RC3H1: variants seen among roughly 807,000 people sequenced by gnomAD.
The protein encoded by RC3H1 is ring finger and CCCH-type domains 1.
RC3H1 carries 50 observed loss-of-function variants against 138.2 expected under a neutral mutation model. The ratio of observed to expected loss-of-function variants is 0.36; its 90% CI spans 0.29 to 0.46. The LOEUF (loss-of-function observed/expected upper bound fraction) is 0.46. RC3H1 is among the 20% of genes least tolerant of loss of function. The probability of loss-of-function intolerance (pLI) is 1.00; values close to 1 mark genes in which losing one functional copy is unlikely to be tolerated. For synonymous variants in RC3H1, 462 were observed against 489.1 expected, an observed-to-expected ratio of 0.94 and a Z score of 0.73; for missense variants, 1,031 against 1,388.1, an observed-to-expected ratio of 0.74 and a Z score of 4.09.
intron 9 of RC3H1, among the ~76,000 whole-genome samples, chr1:173,969,808 G>A (rs916450857): frequency 6.6e-6 from 1 of 151,542 alleles, no homozygotes; most frequent in African/African-American, 2.4e-5. Context: ...AAATTATCTT[G>A]TCCTTGAAGT....
intron 14 of RC3H1, among the ~76,000 whole-genome samples, chr1:173,948,440 T>C (rs990312483): frequency 1.3e-5 from 2 of 151,908 alleles, no homozygotes; most frequent in Non-Finnish European, 2.9e-5. Flanking sequence ...TGACCTAGTA[T>C]ATATATATGC....
intron 5 of RC3H1, among the ~76,000 whole-genome samples, chr1:173,982,029 G>C (rs148911311): frequency 6.2e-4 from 95 of 152,306 alleles, no homozygotes; most frequent in African/African-American, 2.1e-3. Flanking sequence ...AAACTGAAAT[G>C]GCAAATGGAA....
rs1314238163 is a variant in RC3H1 at position 173,957,340 on chromosome 1, CTCAGGAT to C, written c.2370+3730_2370+3736del. On this transcript the variant is annotated intron_variant, in intron 13 of 19. Transcript: ENST00000367696. ...GATTTATAAATGAAGAAACGTGCACCTCAGGATTCAGGGAGGCTAAGTAATTTTAAAA... is the reference window on the plus strand; with the variant it reads ...GATTTATAAATGAAGAAACGTGCACCTCAGGGAGGCTAAGTAATTTTAAAA... Among the ~76,000 whole-genome samples, 4 of 152,104 alleles carry C rather than the reference CTCAGGAT, an allele frequency of 2.6e-5. No individual in the cohort carries two copies. The East Asian group carries it at 7.7e-4, about 29-fold the overall frequency.
intron 18 of RC3H1, among the ~76,000 whole-genome samples, chr1:173,942,324 T>C (rs866920165): frequency 1.4e-5 from 2 of 147,142 alleles, no homozygotes; most frequent in African/African-American, 2.5e-5. Flanking sequence ...TCCCAGCTAC[T>C]CGGGAGACTG....
chr1:173,978,275 A>G lies in RC3H1; in HGVS notation c.1102+213T>C, dbSNP rs536586619. Among the ~76,000 whole-genome samples, 12 of 152,306 alleles carry G rather than the reference A, an allele frequency of 7.9e-5. 1 individual carries two copies. Among genetic ancestry groups the G allele is most frequent in the African/African-American group, 2.9e-4 (12 of 41,570 alleles). ...AGAAATCTATTTTCCTGATGAAATG[A>G]GCAACAGTATAAAAAGTATTAAATA... On this transcript the variant is annotated intron_variant, in intron 7 of 19. Transcript: ENST00000367696.
intron 3 of RC3H1, 95 bp downstream of exon 3, chr1:173,984,403 GT>G: frequency 8.5e-7 from 1 of 1,182,574 alleles, no homozygotes; most frequent in African/African-American, 1.5e-5. Context: ...CTCTAGTTAG[GT>G]TTTTTGGGAA....
At chr1:174,004,995 CAT>C (rs1157058167) in intron 1 of RC3H1, among the ~76,000 whole-genome samples, 1 of 152,102 alleles carries the variant, frequency 6.6e-6, no homozygotes, top group Non-Finnish European at 1.5e-5. Flanking sequence ...GATTTGCTAA[CAT>C]ATATAGGACA....
Position 173,964,170 on chromosome 1 carries a change from T to C in RC3H1, c.1634A>G (p.Lys545Arg), listed in dbSNP as rs770445220. Residue 545 changes from lysine (K) to arginine (R), a missense_variant, in exon 11 of 20, where the codon AAG (lysine) becomes AGG (arginine). Coordinates refer to ENST00000367696, the MANE Select transcript of RC3H1 (RefSeq NM_172071.4). ...SPPDLLESVP[K>R]SISALPVNPH... ...ATTCACAGGTAAGGCAGAAATACTC[T>C]TAGGAACAGATTCTAGCCTAAGGGA... 1.7e-5 allele frequency: 28 copies of C among 1,612,934 alleles called. No homozygotes were observed. Among genetic ancestry groups the C allele is most frequent in the South Asian group, 4.4e-5 (4 of 91,056 alleles).
At chr1:173,958,872 C>T (rs992268251) in intron 13 of RC3H1, among the ~76,000 whole-genome samples, 1 of 151,598 alleles carries the variant, frequency 6.6e-6, no homozygotes, top group Non-Finnish European at 1.5e-5. Flanking sequence ...TTCATTAAAC[C>T]AACTTTTCTG....
chr1:174,012,949 G>A (rs1159572903), intron 1 of RC3H1, among the ~76,000 whole-genome samples: 1 of 151,306 alleles, frequency 6.6e-6, no homozygotes, highest in Non-Finnish European at 1.5e-5. Flanking sequence ...CAGAGTTTAA[G>A]GACAAAAAGG....
At chr1:174,006,023 T>A (rs1234790582) in intron 1 of RC3H1, among the ~76,000 whole-genome samples, 2 of 152,030 alleles carry the variant, frequency 1.3e-5, no homozygotes, top group Non-Finnish European at 2.9e-5. Flanking sequence ...CTGGCCAACA[T>A]GACAAAACCC....
chr1:173,968,701 C>T (rs180675393), intron 9 of RC3H1, among the ~76,000 whole-genome samples: 290 of 152,172 alleles, frequency 1.9e-3, no homozygotes, highest in Admixed American at 3.1e-3. Flanking sequence ...CTACTAATTA[C>T]TAGCAGAAAA....
In RC3H1 at chr1:173,932,224, A is replaced by G. The variant is rs1412202154; in HGVS notation, c.*6497T>C. ...AAGCAAATATGCACCAATGTTAAAA[A>G]GTTATTTTTTTAAAAAAAACAAAAT... On this transcript the variant is annotated 3_prime_UTR_variant, in exon 20 of 20. Coordinates refer to ENST00000367696, the MANE Select transcript of RC3H1 (RefSeq NM_172071.4). The G allele has an allele frequency of 8.0e-5, 12 of 150,480 alleles. No homozygotes were observed. The highest frequency in any genetic ancestry group is 1.6e-4 in the Non-Finnish European group (11 of 67,398). The allele number at this position is 150,480 out of a possible 1,614,324, so 9.3% of individuals were successfully genotyped here. A position where few individuals can be genotyped will look rare whatever the true frequency, so the allele number is the denominator to read the frequency against.
intron 2 of RC3H1, among the ~76,000 whole-genome samples, chr1:173,988,843 T>C (rs1005688475): frequency 2.6e-5 from 4 of 152,260 alleles, no homozygotes; most frequent in African/African-American, 9.6e-5. Context: ...CTGTATAATC[T>C]ACTTGACGAG....
At chr1:173,959,737 C>T (rs183382626) in intron 13 of RC3H1, among the ~76,000 whole-genome samples, 1 of 151,878 alleles carries the variant, frequency 6.6e-6, no homozygotes. Flanking sequence ...CACCACTGCA[C>T]TCCAGCCTGG....
intron 13 of RC3H1, among the ~76,000 whole-genome samples, chr1:173,953,234 A>T (rs1232757404): frequency 6.6e-6 from 1 of 152,118 alleles, no homozygotes; most frequent in East Asian, 1.9e-4. Flanking sequence ...CTAACTTTAG[A>T]TAGAACAGCC....
intron 13 of RC3H1, among the ~76,000 whole-genome samples, chr1:173,956,689 AAG>A (rs1454925609): frequency 6.6e-6 from 1 of 151,228 alleles, no homozygotes; most frequent in Non-Finnish European, 1.5e-5. Context: ...AAAAAAAAGA[AAG>A]AAAGAAATAT....
Position 173,937,444 on chromosome 1 carries a change from C to A in RC3H1, c.*1277G>T, listed in dbSNP as rs918651144. The A allele has an allele frequency of 6.6e-6, 1 of 151,806 alleles. No individual in the cohort carries two copies. Among genetic ancestry groups the A allele is most frequent in the African/African-American group, 2.4e-5 (1 of 41,158 alleles). 9.4% of individuals were successfully genotyped at this position (151,806 alleles called of 1,614,324 possible). A position where few individuals can be genotyped will look rare whatever the true frequency, so the allele number is the denominator to read the frequency against. On this transcript the variant is annotated 3_prime_UTR_variant, in exon 20 of 20. Coordinates refer to ENST00000367696, the MANE Select transcript of RC3H1 (RefSeq NM_172071.4). ...GAGAGGGCAACTATATCAAACAGTC[C>A]CCACTAAACACGTTTTATAGGGTCT...
intron 1 of RC3H1, among the ~76,000 whole-genome samples, chr1:174,020,102 T>C (rs1413456005): frequency 1.4e-5 from 2 of 147,764 alleles, no homozygotes; most frequent in Non-Finnish European, 1.5e-5. Flanking sequence ...AGACTTTACT[T>C]GGAATCTGTG....
Sources: allele counts gnomAD v4.1 joint callset (sites outside exome capture counted in the v4.1 genomes callset), GRCh38; gene constraint gnomAD v4.1.1; transcripts MANE v1.5; gene names NCBI Gene and HGNC (gene_info 2026-07-23, HGNC 2026-07-21).